Variants in CALN1 observed in about 807,000 individuals in gnomAD.
CALN1 encodes calneuron 1.
Under a neutral mutation model 30.6 loss-of-function variants are expected in CALN1, and 17 were observed. The ratio of observed to expected loss-of-function variants is 0.56; its 90% CI spans 0.38 to 0.83. CALN1 has a LOEUF of 0.83. Ranked by LOEUF, CALN1 falls within the 40% of genes least tolerant of loss-of-function variation. The pLI is 0.00. For missense variants in CALN1, 291 were observed against 354.9 expected (o/e 0.82, Z 1.45); for synonymous variants, 156 against 131.4 (o/e 1.19, Z -1.28).
intron 3 of CALN1, among the ~76,000 whole-genome samples, chr7:72,144,351 C>A (rs962684053): frequency 1.2e-4 from 18 of 152,034 alleles, no homozygotes; most frequent in African/African-American, 4.4e-4. Context: ...AGACTTTAAA[C>A]CAACAAAGAT....
At chr7:72,336,396 C>T (rs1014447758) in intron 2 of CALN1, among the ~76,000 whole-genome samples, 1 of 152,126 alleles carries the variant, frequency 6.6e-6, no homozygotes, top group African/African-American at 2.4e-5. Context: ...CAGCCTCCAG[C>T]CCGCACGGTG....
At chr7:71,972,485 G>A (rs114083569) in intron 5 of CALN1, among the ~76,000 whole-genome samples, 94 of 152,228 alleles carry the variant, frequency 6.2e-4, no homozygotes, top group African/African-American at 2.1e-3. Context: ...CTAAGAGAGC[G>A]TGCAATACTT....
At chr7:71,810,313 G>C in intron 6 of CALN1, 23 bp downstream of exon 6, 1 of 1,611,328 alleles carries the variant, frequency 6.2e-7, no homozygotes, top group South Asian at 1.1e-5. Flanking sequence ...GACCGGGGAG[G>C]GGATGGCAGC....
chr7:72,493,487 C>T, the CALN1 span, among the ~76,000 whole-genome samples: 1 of 152,052 alleles, frequency 6.6e-6, no homozygotes, highest in Admixed American at 6.6e-5. Context: ...TACAAGCATG[C>T]ACCACCACTC....
At chr7:71,899,498 A>G (rs1793734792) in intron 5 of CALN1, among the ~76,000 whole-genome samples, 1 of 152,210 alleles carries the variant, frequency 6.6e-6, no homozygotes, top group African/African-American at 2.4e-5. Context: ...TGGGATGCTT[A>G]TGAAAAACAG....
At chr7:72,170,824 G>C (rs1788897974) in intron 3 of CALN1, among the ~76,000 whole-genome samples, 3 of 152,178 alleles carry the variant, frequency 2.0e-5, no homozygotes, top group Admixed American at 6.5e-5. Context: ...ACTCATACTT[G>C]TGGATACTTT....
intron 5 of CALN1, among the ~76,000 whole-genome samples, chr7:71,903,448 G>A (rs572713629): frequency 6.6e-6 from 1 of 152,226 alleles, no homozygotes; most frequent in South Asian, 2.1e-4. Flanking sequence ...AACACACAAT[G>A]GGGAAAGAAT....
intron 4 of CALN1, among the ~76,000 whole-genome samples, chr7:72,093,641 T>C (rs1351731996): frequency 2.0e-5 from 3 of 152,206 alleles, no homozygotes; most frequent in Non-Finnish European, 4.4e-5. Context: ...CTACCAGGAC[T>C]GCCAGCTGGG....
intron 3 of CALN1, among the ~76,000 whole-genome samples, chr7:72,230,599 G>C (rs1794028014): frequency 6.6e-6 from 1 of 152,060 alleles, no homozygotes; most frequent in Admixed American, 6.6e-5. Flanking sequence ...GATGGAAGAG[G>C]AGATATGAGC....
Position 71,952,780 on chromosome 7 carries a change from C to T in CALN1, c.501+70877G>A, listed in dbSNP as rs114606231. Among the ~76,000 whole-genome samples the T allele has an allele frequency of 9.8e-3, 1,488 of 152,242 alleles. 20 individuals are homozygous for T. Among genetic ancestry groups the T allele is most frequent in the African/African-American group, 0.032 (1,316 of 41,540 alleles). ...AAACCAAGCCCCACCATGCTCTTGT[C>T]GGCTCGGCCCCTGTAGGATCCCTGC... On this transcript the variant is annotated intron_variant, in intron 5 of 6. Coordinates refer to ENST00000395275, the MANE Select transcript of CALN1 (RefSeq NM_031468.4).
chr7:72,180,227 T>G (rs1049919692), intron 3 of CALN1, among the ~76,000 whole-genome samples: 1 of 152,208 alleles, frequency 6.6e-6, no homozygotes, highest in East Asian at 1.9e-4. Flanking sequence ...AGATTCATAT[T>G]CAGCTTTTCA....
chr7:72,374,722 T>C (rs1313102575), intron 2 of CALN1, among the ~76,000 whole-genome samples: 1 of 152,196 alleles, frequency 6.6e-6, no homozygotes, highest in African/African-American at 2.4e-5. Flanking sequence ...TTTCCAATTA[T>C]ATCCAAAATT....
chr7:72,394,035 G>A (rs1357667482), intron 2 of CALN1, among the ~76,000 whole-genome samples: 7 of 152,190 alleles, frequency 4.6e-5, no homozygotes, highest in Non-Finnish European at 8.8e-5. Flanking sequence ...AAGAGATGGG[G>A]TCAGCAAATC....
At chr7:72,106,606 T>G (rs1309042914) in intron 3 of CALN1, among the ~76,000 whole-genome samples, 5 of 112,582 alleles carry the variant, frequency 4.4e-5, no homozygotes, top group South Asian at 2.8e-4. Context: ...AAGAGAGGAA[T>G]GAAGGGAGGA....
intron 3 of CALN1, among the ~76,000 whole-genome samples, chr7:72,229,008 G>T (rs1194327004): frequency 6.6e-6 from 1 of 151,212 alleles, no homozygotes; most frequent in Non-Finnish European, 1.5e-5. Flanking sequence ...GAACTCCTGG[G>T]CTCAAGTGAT....
intron 3 of CALN1, among the ~76,000 whole-genome samples, chr7:72,114,663 G>C (rs1043148899): frequency 3.3e-5 from 5 of 152,072 alleles, no homozygotes; most frequent in African/African-American, 1.2e-4. Context: ...GAGGTGAAAG[G>C]GACAGAGCTA....
intron 3 of CALN1, among the ~76,000 whole-genome samples, chr7:72,255,731 A>ATT (rs10536438): frequency 1.3e-4 from 18 of 137,540 alleles, no homozygotes; most frequent in South Asian, 2.4e-4. Context: ...CACTTAAATA[A>ATT]TTTTTTTTTT....
At chr7:72,011,853 A>G (rs144582939) in intron 5 of CALN1, among the ~76,000 whole-genome samples, 1 of 152,068 alleles carries the variant, frequency 6.6e-6, no homozygotes, top group East Asian at 1.9e-4. Context: ...TGTTGCCCAC[A>G]CTGGTCTTGA....
At chr7:72,350,672 A>G (rs1453064380) in intron 2 of CALN1, among the ~76,000 whole-genome samples, 1 of 152,206 alleles carries the variant, frequency 6.6e-6, no homozygotes, top group Admixed American at 6.6e-5. Flanking sequence ...ACTACCTACC[A>G]GATACTATGC....
Sources: allele counts gnomAD v4.1 joint callset (sites outside exome capture counted in the v4.1 genomes callset), GRCh38; gene constraint gnomAD v4.1.1; transcripts MANE v1.5; gene names NCBI Gene and HGNC (gene_info 2026-07-23, HGNC 2026-07-21).